TTN: variants seen among roughly 807,000 people sequenced by gnomAD.
The protein encoded by TTN is connectin.
Under a neutral mutation model 3,223.0 loss-of-function variants are expected in TTN, and 1,525 were observed. The ratio of observed to expected loss-of-function variants is 0.47; its 90% confidence interval spans 0.45 to 0.49. The LOEUF is 0.49. Ranked by LOEUF, TTN falls within the 20% of genes least tolerant of loss-of-function variation. The pLI is 0.00. For missense variants in TTN, 40,786 were observed against 43,424.0 expected, an observed-to-expected ratio of 0.94 and a Z score of 5.40; for synonymous variants, 14,094 against 15,161.0, an observed-to-expected ratio of 0.93 and a Z score of 5.17.
rs755669336 is a variant in TTN, at chr2:178,575,487, C to T, written c.70645G>A (p.Val23549Ile). The T allele has an allele frequency of 4.0e-5, 64 of 1,613,524 alleles. No individual in the cohort carries two copies. The highest frequency in any genetic ancestry group is 1.1e-4 in the East Asian group (5 of 44,844). The part of the protein sequence containing the change: ...LNIMDITKST[V>I]SLAWPKPKHD... ...TTGGGCTTAGGCCATGCCAGGCTGACGGTGCTCTTAGTTATGTCCATGATG... is the reference window on the plus strand; with the variant it reads ...TTGGGCTTAGGCCATGCCAGGCTGATGGTGCTCTTAGTTATGTCCATGATG... The change falls in exon 326 of 363, where the codon GTC (valine) becomes ATC (isoleucine). Residue 23549 changes from valine to isoleucine, a missense_variant. Val to Ile is a conservative substitution (Grantham distance 29). Transcript: ENST00000589042. This position sits in a 1 kb window ranked among gnomAD's most constrained non-coding sequence, Gnocchi z 4.0.
intron 250 of TTN, chr2:178,619,192 G>T: frequency 2.7e-6 from 1 of 366,946 alleles, no homozygotes; most frequent in Non-Finnish European, 4.9e-6. Context: ...CAATAAATCA[G>T]AGAAACTTTT....
Position 178,713,055 on chromosome 2 carries a change from G to A in TTN, c.27049+30C>T, listed in dbSNP as rs978130068. ...AAACATGCTTAATAAACTATGAAAT[G>A]CAATTCATTTTACTGTTTTGTAAAC... On this transcript the variant is annotated intron_variant, in intron 93 of 362. Transcript: ENST00000589042. 4 of 1,607,250 alleles carry A rather than the reference G, an allele frequency of 2.5e-6. 1 individual carries two copies. The South Asian group carries it at 3.3e-5, about 13-fold the overall frequency.
chr2:178,579,893 G>T (rs551081554), intron 318 of TTN, 45 bp from the exon 319 acceptor site: 1 of 1,612,138 alleles, frequency 6.2e-7, no homozygotes, highest in African/African-American at 1.3e-5. Flanking sequence ...ATATAACAAA[G>T]GAAGGATATA....
chr2:178,665,352 C>T (rs748577427), intron 165 of TTN, 25 bp downstream of exon 165: 1 of 1,598,722 alleles, frequency 6.3e-7, no homozygotes. Flanking sequence ...ATTTCTTCTT[C>T]CACATTTGTT....
At chr2:178,628,297 T>A (rs2059337178) in intron 240 of TTN, among the ~76,000 whole-genome samples, 1 of 152,038 alleles carries the variant, frequency 6.6e-6, no homozygotes, top group Non-Finnish European at 1.5e-5. Context: ...ACTGAATCAC[T>A]TTTTAATTAT....
rs1294818550 is a variant in TTN, at chr2:178,604,726, A to G, written c.54363T>C (p.Ala18121=). ...KAEWEEVTNT[A]VEKRYGIWKL... is the part of the protein sequence containing the mutation. ...AGTTTACCCCATATCTTTTCTCTAC[A>G]GCAGTGTTGGTGACTTCCTCCCATT... Residue 18121 remains alanine, a synonymous_variant, in exon 281 of 363, where the codon GCT becomes GCC. Transcript: ENST00000589042. 1 of 1,610,712 alleles carries G rather than the reference A, an allele frequency of 6.2e-7. No homozygotes were observed. Among genetic ancestry groups the G allele is most frequent in the Admixed American group, 1.7e-5 (1 of 59,710 alleles).
chr2:178,571,960 A>G lies in TTN; in HGVS notation c.74172T>C (p.Thr24724=), dbSNP rs1451336974. 6.2e-7 allele frequency: 1 copy of G among 1,613,216 alleles called. No individual in the cohort carries two copies. The highest frequency in any genetic ancestry group is 8.5e-7 in the Non-Finnish European group (1 of 1,179,624). ...GGTCTTCACCTGCCAGTACAGTGAA[A>G]GTATTGAACAGGAGTTTGAAGGCTG... ...IPPAFKLLFN[T]FTVLAGEDLK... Residue 24724 remains threonine, a synonymous_variant, in exon 326 of 363, where the codon ACT becomes ACC. Coordinates refer to ENST00000589042, the MANE Select transcript of TTN (RefSeq NM_001267550.2).
intron 9 of TTN, among the ~76,000 whole-genome samples, chr2:178,793,120 T>C (rs2093598844): frequency 6.6e-6 from 1 of 152,208 alleles, no homozygotes; most frequent in Non-Finnish European, 1.5e-5. Context: ...CCTCTCCCTA[T>C]AGTCTTATAC....
In TTN at chr2:178,531,209, G is replaced by C. The variant is rs372875128; in HGVS notation, c.105406C>G (p.Arg35136Gly). The change falls in exon 358 of 363, where the codon CGG becomes GGG. Residue 35136 changes from arginine (R) to glycine (G), a missense_variant. Physicochemically the swap from Arg to Gly is moderately radical, Grantham distance 125 (BLOSUM62 -2). Coordinates refer to ENST00000589042, the MANE Select transcript of TTN (RefSeq NM_001267550.2). ...TCGCCCTCGTAGACGGTCATGGACCGTGGCTTTGTTAGAATTCTTGCTGCC... is the reference window on the plus strand; with the variant it reads ...TCGCCCTCGTAGACGGTCATGGACCCTGGCTTTGTTAGAATTCTTGCTGCC... The part of the protein sequence containing the change: ...TLAARILTKP[R>G]SMTVYEGESA... 3.7e-6 allele frequency: 6 copies of C among 1,613,852 alleles called. No homozygotes were observed. The African/African-American group carries it at 8.0e-5, about 22-fold the overall frequency.
chr2:178,727,508 T>C (rs1297043555), intron 68 of TTN, 77 bp downstream of exon 68: 1 of 1,512,784 alleles, frequency 6.6e-7, no homozygotes, highest in Admixed American at 2.3e-5. Context: ...TTCTTGATTG[T>C]TTAGAGACAT....
chr2:178,795,196 GGA>G lies in TTN; in HGVS notation c.969_970del (p.Pro324IlefsTer5). 1 of 1,614,170 alleles carries G rather than the reference GGA, an allele frequency of 6.2e-7. No homozygotes were observed. Among genetic ancestry groups the G allele is most frequent in the Non-Finnish European group, 8.5e-7 (1 of 1,180,020 alleles). On this transcript the variant is annotated frameshift_variant, in exon 7 of 363. Transcript: ENST00000589042. LOFTEE classifies it high-confidence loss of function. ...TGCCTGAGTCTTACGCATGAGCAAT[GGA>G]GACCTAACAGACCTGATGGGGGATG...
chr2:178,619,753 C>G lies in TTN; in HGVS notation c.46564G>C (p.Gly15522Arg), dbSNP rs750435043. Reference protein sequence around the residue: ...WLRNNMVVVQGDKHQMMSEGK... With the variant: ...WLRNNMVVVQRDKHQMMSEGK... ...TCACTCATCATCTGGTGTTTATCAC[C>G]CTGGACAACAACCATGTTATTTCTT... The change falls in exon 250 of 363, where the codon GGT becomes CGT. Residue 15522 changes from glycine (G) to arginine (R), a missense_variant. Gly to Arg is a moderately radical substitution (Grantham distance 125). Transcript: ENST00000589042. 8.1e-5 allele frequency: 131 copies of G among 1,612,226 alleles called. No homozygotes were observed. The highest frequency in any genetic ancestry group is 1.1e-4 in the Non-Finnish European group (129 of 1,178,920).
chr2:178,531,906 T>C lies in TTN; in HGVS notation c.104709A>G (p.Ala34903=). The C allele has an allele frequency of 6.2e-7, 1 of 1,612,766 alleles. No individual in the cohort carries two copies. The highest frequency in any genetic ancestry group is 8.5e-7 in the Non-Finnish European group (1 of 1,179,214). ...CATACCTGGAAAAGATATCAAATCT[T>C]GCAGACCTCTCAAATCTCGAGAGTG... The part of the protein sequence containing the change: ...ERSLSRFERS[A]RFDIFSRYES... Residue 34903 remains alanine, a synonymous_variant, in exon 358 of 363, where the codon GCA becomes GCG. Coordinates refer to ENST00000589042, the MANE Select transcript of TTN (RefSeq NM_001267550.2).
At chr2:178,783,633 A>T in intron 17 of TTN, 87 bp downstream of exon 17, 2 of 1,213,592 alleles carry the variant, frequency 1.6e-6, no homozygotes, top group Non-Finnish European at 2.4e-6. Flanking sequence ...TTTTGTATTA[A>T]TTTGAGAAAC....
At chr2:178,796,624 A>G (rs1044176987) in intron 6 of TTN, among the ~76,000 whole-genome samples, 13 of 152,164 alleles carry the variant, frequency 8.5e-5, no homozygotes, top group African/African-American at 2.9e-4. Context: ...AAGTTAGAAT[A>G]ATGTGTGGTT....
intron 33 of TTN, among the ~76,000 whole-genome samples, chr2:178,771,973 T>C (rs1220901708): frequency 6.6e-6 from 1 of 152,222 alleles, no homozygotes; most frequent in East Asian, 1.9e-4. Flanking sequence ...TCCACTCTTA[T>C]CATCCATTAG....
In TTN at chr2:178,625,258, A is replaced by C. The variant is rs771128962; in HGVS notation, c.44548+15T>G. On this transcript the variant is annotated intron_variant, in intron 241 of 362. Coordinates refer to ENST00000589042, the MANE Select transcript of TTN (RefSeq NM_001267550.2). ...TCTGCCTTATACATGTTTTTAAAATAAGCCTTGTAATTACCTTTCACAAAG... is the reference window on the plus strand; with the variant it reads ...TCTGCCTTATACATGTTTTTAAAATCAGCCTTGTAATTACCTTTCACAAAG... The C allele has an allele frequency of 6.2e-7, 1 of 1,603,394 alleles. No homozygotes were observed. Among genetic ancestry groups the C allele is most frequent in the South Asian group, 1.1e-5 (1 of 89,412 alleles).
In TTN at chr2:178,622,774, G is replaced by A. The variant is rs539123756; in HGVS notation, c.44816-7C>T. On this transcript the variant is annotated splice_region_variant and splice_polypyrimidine_tract_variant and intron_variant, in intron 242 of 362. Coordinates refer to ENST00000589042, the MANE Select transcript of TTN (RefSeq NM_001267550.2). ...AAGAATTCCACATGAGGAGCTGTAA[G>A]AGAATGTCATCAGAATTCAAAATGA... The A allele has an allele frequency of 8.2e-6, 13 of 1,587,046 alleles. No homozygotes were observed. The highest frequency in any genetic ancestry group is 5.4e-5 in the African/African-American group (4 of 74,420).
rs1560067503 is a variant in TTN at position 178,647,465 on chromosome 2, C to T, written c.40058-1G>A. The stretch of plus-strand genomic sequence containing the variant: ...ATGATTTTCTCAGGCACTTTGGGCA[C>T]TTTAAAGATATGATTTTGTTTACTA... On this transcript the variant is annotated splice_acceptor_variant, in intron 213 of 362. Coordinates refer to ENST00000589042, the MANE Select transcript of TTN (RefSeq NM_001267550.2). LOFTEE classifies it high-confidence loss of function. 1.9e-6 allele frequency: 3 copies of T among 1,549,366 alleles called. No homozygotes were observed. Among genetic ancestry groups the T allele is most frequent in the Non-Finnish European group, 1.7e-6 (2 of 1,146,240 alleles).
Sources: allele counts gnomAD v4.1 joint callset (sites outside exome capture counted in the v4.1 genomes callset), GRCh38; gene constraint gnomAD v4.1.1; non-coding constraint Gnocchi (gnomAD v3.1); transcripts MANE v1.5; gene names NCBI Gene and HGNC (gene_info 2026-07-23, HGNC 2026-07-21).